CLDN10: variants seen among roughly 807,000 people sequenced by gnomAD.
The protein encoded by CLDN10 is claudin 10.
Under a neutral mutation model 22.9 loss-of-function variants are expected in CLDN10, and 15 were observed. The observed-to-expected ratio is 0.65, with a 90% CI of 0.44 to 1.01. CLDN10 has a LOEUF of 1.01. Ranked by LOEUF, CLDN10 falls within the 50% of genes least tolerant of loss-of-function variation. The pLI, the probability that CLDN10 is intolerant of heterozygous loss-of-function variation, is 0.00. For synonymous variants in CLDN10, 114 were observed against 111.4 expected (o/e 1.02, Z -0.15); for missense variants, 247 against 287.8 (o/e 0.86, Z 1.03).
chr13:95,569,837 C>T (rs1179284798), intron 3 of CLDN10, among the ~76,000 whole-genome samples: 1 of 150,362 alleles, frequency 6.7e-6, no homozygotes, highest in Non-Finnish European at 1.5e-5. Context: ...GGTGAGATCT[C>T]GGCTCACTGC....
At chr13:95,435,497 A>T (rs746308289) in intron 1 of CLDN10, among the ~76,000 whole-genome samples, 1 of 152,230 alleles carries the variant, frequency 6.6e-6, no homozygotes, top group African/African-American at 2.4e-5. Context: ...GAAATATTCA[A>T]GCGTGGATGC....
At chr13:95,471,957 T>C (rs1254062486) in intron 1 of CLDN10, among the ~76,000 whole-genome samples, 1 of 120,700 alleles carries the variant, frequency 8.3e-6, no homozygotes, top group African/African-American at 2.9e-5. Flanking sequence ...TTTTTTTTTT[T>C]TTTTTTTGGT....
chr13:95,522,593 G>A (rs1029729343), intron 1 of CLDN10, among the ~76,000 whole-genome samples: 21 of 152,024 alleles, frequency 1.4e-4, no homozygotes, highest in Non-Finnish European at 2.9e-4. Context: ...AGAAGGTAGA[G>A]ATTGCTGGTA....
chr13:95,540,256 C>T (rs192281251), intron 1 of CLDN10, among the ~76,000 whole-genome samples: 2 of 151,594 alleles, frequency 1.3e-5, no homozygotes, highest in African/African-American at 4.8e-5. Flanking sequence ...GCTAAGATCA[C>T]GCCACTGCAC....
intron 3 of CLDN10, among the ~76,000 whole-genome samples, chr13:95,575,947 T>C (rs995855519): frequency 1.3e-5 from 2 of 152,224 alleles, no homozygotes; most frequent in African/African-American, 4.8e-5. Flanking sequence ...CAGTGCCAGG[T>C]ACCATGCATG....
intron 1 of CLDN10, among the ~76,000 whole-genome samples, chr13:95,453,443 G>A (rs1285335865): frequency 6.6e-6 from 1 of 152,158 alleles, no homozygotes; most frequent in Non-Finnish European, 1.5e-5. Context: ...AGCACTTTGG[G>A]AGGCTGAGGC....
intron 1 of CLDN10, among the ~76,000 whole-genome samples, chr13:95,435,418 A>G (rs1352783949): frequency 2.0e-5 from 3 of 152,210 alleles, no homozygotes; most frequent in Non-Finnish European, 4.4e-5. Context: ...TCATTAGTCT[A>G]CAATGAGTGC....
chr13:95,565,633 T>A (rs1031033884), intron 3 of CLDN10, among the ~76,000 whole-genome samples: 39 of 152,166 alleles, frequency 2.6e-4, no homozygotes, highest in African/African-American at 8.0e-4. Flanking sequence ...ACTTTCTTTT[T>A]TTATTATTAT....
At chr13:95,546,960 AT>A (rs2043515629) in intron 1 of CLDN10, among the ~76,000 whole-genome samples, 3 of 146,742 alleles carry the variant, frequency 2.0e-5, no homozygotes, top group South Asian at 2.2e-4. Flanking sequence ...TCTTTCATTT[AT>A]TTTTACTTTT....
At chr13:95,477,145 G>A (rs1474592929) in intron 1 of CLDN10, among the ~76,000 whole-genome samples, 1 of 152,188 alleles carries the variant, frequency 6.6e-6, no homozygotes, top group Non-Finnish European at 1.5e-5. Context: ...AGATCTAAGA[G>A]AAGTGGGCAC....
At chr13:95,510,334 C>T (rs2043083211) in intron 1 of CLDN10, among the ~76,000 whole-genome samples, 1 of 152,206 alleles carries the variant, frequency 6.6e-6, no homozygotes, top group African/African-American at 2.4e-5. Flanking sequence ...GCACTCACCT[C>T]CTTTGAGAAG....
At chr13:95,552,640 T>C (rs1383752204), upstream of CLDN10, 1 of 1,234,010 alleles carries the variant, frequency 8.1e-7, no homozygotes, top group Admixed American at 4.0e-5. Context: ...GGCGGGGTGG[T>C]GGGCGGGGAC....
At chr13:95,554,928 G>GT (rs1457815184) in intron 1 of CLDN10, among the ~76,000 whole-genome samples, 3 of 152,008 alleles carry the variant, frequency 2.0e-5, no homozygotes, top group Non-Finnish European at 4.4e-5. Context: ...AAATGGTATC[G>GT]TAAGAGCAGT....
intron 1 of CLDN10, among the ~76,000 whole-genome samples, chr13:95,519,512 A>G (rs1009337071): frequency 2.0e-5 from 3 of 152,264 alleles, no homozygotes; most frequent in South Asian, 2.1e-4. Flanking sequence ...CTAGATCTTC[A>G]TAATAGCCCT....
At chr13:95,573,542 G>A (rs552451054) in intron 3 of CLDN10, among the ~76,000 whole-genome samples, 10 of 146,470 alleles carry the variant, frequency 6.8e-5, no homozygotes, top group South Asian at 6.7e-4. Flanking sequence ...TAGTGTTACC[G>A]AAAAGGAAGA....
At chr13:95,496,865 C>T (rs2042935106) in intron 1 of CLDN10, among the ~76,000 whole-genome samples, 2 of 152,208 alleles carry the variant, frequency 1.3e-5, no homozygotes, top group African/African-American at 2.4e-5. Context: ...TTGTTTTCCT[C>T]ATTGCACCAT....
chr13:95,541,884 A>G (rs764122960), intron 1 of CLDN10, among the ~76,000 whole-genome samples: 3 of 152,188 alleles, frequency 2.0e-5, no homozygotes, highest in African/African-American at 7.2e-5. Flanking sequence ...TTACCTCACA[A>G]CTATGTTAGT....
At chr13:95,505,749 CTTTTTTT>C (rs34828390) in intron 1 of CLDN10, among the ~76,000 whole-genome samples, 27 of 103,710 alleles carry the variant, frequency 2.6e-4, no homozygotes, top group African/African-American at 9.7e-4. Flanking sequence ...CCTTCCCTTT[CTTTTTTT>C]TTTTTTTTTT....
intron 1 of CLDN10, among the ~76,000 whole-genome samples, chr13:95,542,423 T>C (rs1250035758): frequency 6.6e-6 from 1 of 152,214 alleles, no homozygotes; most frequent in Non-Finnish European, 1.5e-5. Flanking sequence ...AAATTCAACA[T>C]GATTTTGAAG....
Sources: allele counts gnomAD v4.1 joint callset (sites outside exome capture counted in the v4.1 genomes callset), GRCh38; gene constraint gnomAD v4.1.1; transcripts MANE v1.5; gene names NCBI Gene and HGNC (gene_info 2026-07-23, HGNC 2026-07-21).